HSPA4L: variants seen among roughly 807,000 people sequenced by gnomAD.
HSPA4L encodes heat shock protein family A (Hsp70) member 4 like, also known as heat shock 70 kDa protein 4L.
HSPA4L carries 48 observed loss-of-function variants against 100.3 expected under a neutral mutation model. The ratio of observed to expected loss-of-function variants is 0.48; its 90% confidence interval spans 0.38 to 0.61. The LOEUF (loss-of-function observed/expected upper bound fraction) is 0.61, where lower values mean the gene tolerates loss of function less well. HSPA4L is among the 20% of genes least tolerant of loss of function. HSPA4L has a pLI of 0.00. For synonymous variants in HSPA4L, 319 were observed against 328.2 expected (o/e 0.97, Z 0.30); for missense variants, 886 against 988.6 (o/e 0.90, Z 1.39).
chr4:127,793,243 T>TC (rs1194053170), intron 1 of HSPA4L, among the ~76,000 whole-genome samples: 2 of 152,224 alleles, frequency 1.3e-5, no homozygotes, highest in Non-Finnish European at 2.9e-5. Flanking sequence ...TTCCCTCAAG[T>TC]CCTAATTCAA....
intron 4 of HSPA4L, among the ~76,000 whole-genome samples, chr4:127,799,331 T>C (rs956359237): frequency 6.6e-6 from 1 of 152,160 alleles, no homozygotes; most frequent in African/African-American, 2.4e-5. Flanking sequence ...AGAAAAATAT[T>C]AGAGCTTAAT....
chr4:127,830,893 A>G (rs1734063788), intron 18 of HSPA4L, 94 bp downstream of exon 18: 1 of 761,866 alleles, frequency 1.3e-6, no homozygotes, highest in South Asian at 3.6e-5. Context: ...TTGCAGAAGA[A>G]CTTAGAACAG....
At chr4:127,793,322 T>C (rs1732928350) in intron 1 of HSPA4L, among the ~76,000 whole-genome samples, 1 of 152,314 alleles carries the variant, frequency 6.6e-6, no homozygotes, top group East Asian at 1.9e-4. Context: ...TTCTATATAT[T>C]CTATTGATTT....
Position 127,805,054 on chromosome 4 carries a change from A to G in HSPA4L, c.986-19A>G. 2 of 1,546,156 alleles carry G rather than the reference A, an allele frequency of 1.3e-6. No individual in the cohort carries two copies. Among genetic ancestry groups the G allele is most frequent in the Non-Finnish European group, 1.8e-6 (2 of 1,140,434 alleles). ...ATTTTTAAAGACTATCATTTTTCTC[A>G]ATTAAAAAAATTTTCCAGACTTACA... On this transcript the variant is annotated intron_variant, in intron 8 of 18. Transcript: ENST00000296464.
intron 17 of HSPA4L, among the ~76,000 whole-genome samples, chr4:127,830,253 CAAG>C (rs1734045272): frequency 6.6e-6 from 1 of 152,138 alleles, no homozygotes; most frequent in Non-Finnish European, 1.5e-5. Context: ...TTTTTCTAAT[CAAG>C]AATTTAATAT....
chr4:127,812,440 T>G (rs1215185600), intron 12 of HSPA4L, among the ~76,000 whole-genome samples: 2 of 151,882 alleles, frequency 1.3e-5, no homozygotes, highest in African/African-American at 4.8e-5. Context: ...AAACAGATTT[T>G]TTAACTTTAT....
chr4:127,838,722 CTT>C lies in HSPA4L; in HGVS notation c.*5849_*5850del, dbSNP rs1734294919. ...TCTTTCCTTTATCTTGCTTTATCCT[CTT>C]ATCCAATTCTAGACTCTTAAATAAT... On this transcript the variant is annotated 3_prime_UTR_variant, in exon 19 of 19. Coordinates refer to ENST00000296464, the MANE Select transcript of HSPA4L (RefSeq NM_014278.4). 6.6e-6 allele frequency: 1 copy of C among 152,172 alleles called. No homozygotes were observed. Among genetic ancestry groups the C allele is most frequent in the Non-Finnish European group, 1.5e-5 (1 of 68,022 alleles). The allele number at this position is 152,172 out of a possible 1,614,324, so 9.4% of individuals were successfully genotyped here.
In HSPA4L at chr4:127,784,696, C is replaced by T. The variant is rs145775944; in HGVS notation, c.107+2039C>T. On this transcript the variant is annotated intron_variant, in intron 1 of 18. Coordinates refer to ENST00000296464, the MANE Select transcript of HSPA4L (RefSeq NM_014278.4). Reference sequence around the variant, plus strand: ...ACTTCATGGTAGTGTAGTGCTCTTACACTATGTATTACTTTGTGGGTCCAA... The same window carrying T: ...ACTTCATGGTAGTGTAGTGCTCTTATACTATGTATTACTTTGTGGGTCCAA... 4.3e-3 allele frequency among the ~76,000 whole-genome samples: 658 copies of T among 152,324 alleles called. 9 individuals are homozygous for T. Among genetic ancestry groups the T allele is most frequent in the African/African-American group, 0.015 (628 of 41,566 alleles).
At position 127,836,930 on chromosome 4, in the gene HSPA4L, A is replaced by G. The variant is rs1378559835; in HGVS notation, c.*4056A>G. ...TAAAATATAACTTTCTCAGTTTTTAAAAGTTTACAAAATTTTTTTTTTTGT... is the reference window on the plus strand; with the variant it reads ...TAAAATATAACTTTCTCAGTTTTTAGAAGTTTACAAAATTTTTTTTTTTGT... On this transcript the variant is annotated 3_prime_UTR_variant, in exon 19 of 19. Transcript: ENST00000296464. 2.0e-5 allele frequency: 3 copies of G among 152,038 alleles called. No individual in the cohort carries two copies. The highest frequency in any genetic ancestry group is 7.2e-5 in the African/African-American group (3 of 41,408). 9.4% of individuals were successfully genotyped at this position (152,038 alleles called of 1,614,324 possible). A position where few individuals can be genotyped will look rare whatever the true frequency, so the allele number is the denominator to read the frequency against.
At chr4:127,801,101 T>C (rs1733162030) in intron 4 of HSPA4L, 37 bp from the exon 5 acceptor site, 1 of 1,452,256 alleles carries the variant, frequency 6.9e-7, no homozygotes, top group South Asian at 1.2e-5. Context: ...AATGTTTACA[T>C]AAAACATTAT....
chr4:127,838,917 A>T lies in HSPA4L; in HGVS notation c.*6043A>T, dbSNP rs1401381478. 2 of 151,974 alleles carry T rather than the reference A, an allele frequency of 1.3e-5. No homozygotes were observed. The highest frequency in any genetic ancestry group is 2.9e-5 in the Non-Finnish European group (2 of 67,994). The allele number at this position is 151,974 out of a possible 1,614,324, so 9.4% of individuals were successfully genotyped here. On this transcript the variant is annotated 3_prime_UTR_variant, in exon 19 of 19. Coordinates refer to ENST00000296464, the MANE Select transcript of HSPA4L (RefSeq NM_014278.4). ...TCTTCCCGTTAAGGGTTTTTTGGCT[A>T]TAAATTCGTACTTGATAAGCTATGT...
intron 11 of HSPA4L, 100 bp from the exon 12 acceptor site, chr4:127,811,337 A>G: frequency 2.4e-6 from 2 of 820,574 alleles, no homozygotes; most frequent in Admixed American, 2.2e-5. Context: ...TGCCAAGATG[A>G]TTATTTGCCA....
chr4:127,786,449 A>T (rs1732720721), intron 1 of HSPA4L, among the ~76,000 whole-genome samples: 1 of 152,174 alleles, frequency 6.6e-6, no homozygotes, highest in African/African-American at 2.4e-5. Context: ...ATCTTTTTTA[A>T]AAACATTATT....
At chr4:127,810,829 A>G (rs1733505773) in intron 11 of HSPA4L, among the ~76,000 whole-genome samples, 1 of 152,030 alleles carries the variant, frequency 6.6e-6, no homozygotes, top group Non-Finnish European at 1.5e-5. Flanking sequence ...GCAAAATTTA[A>G]CCCATAAAAA....
intron 17 of HSPA4L, among the ~76,000 whole-genome samples, chr4:127,828,329 CA>C (rs973697980): frequency 1.3e-5 from 2 of 152,058 alleles, no homozygotes; most frequent in African/African-American, 4.8e-5. Context: ...AATATTCAAG[CA>C]TGTCAAAATA....
chr4:127,787,462 A>G (rs1051717823), intron 1 of HSPA4L, among the ~76,000 whole-genome samples: 4 of 152,178 alleles, frequency 2.6e-5, no homozygotes, highest in African/African-American at 9.6e-5. Context: ...CTTCCCAACC[A>G]CATCCTAAAG....
At chr4:127,804,938 TA>T in intron 8 of HSPA4L, 134 bp from the exon 9 acceptor site, 1 of 581,712 alleles carries the variant, frequency 1.7e-6, no homozygotes, top group Non-Finnish European at 3.0e-6. Flanking sequence ...TATATCTTTC[TA>T]AAAATTGTAT....
chr4:127,808,194 C>G (rs183915961), intron 11 of HSPA4L, 65 bp downstream of exon 11: 8 of 1,321,070 alleles, frequency 6.1e-6, no homozygotes, highest in Admixed American at 4.7e-5. Flanking sequence ...ATTTTAGAAT[C>G]AAGGAAACAA....
Position 127,820,454 on chromosome 4 carries a change from ATT to A in HSPA4L, c.1702_1703del (p.Leu568LysfsTer5). On this transcript the variant is annotated frameshift_variant, in exon 14 of 19. Coordinates refer to ENST00000296464, the MANE Select transcript of HSPA4L (RefSeq NM_014278.4). LOFTEE classifies it high-confidence loss of function. ...CAGCTGTCTCAGACAAACAAGACCGATTAAATCAGACACTTAAAAAAGGAAAA... is the reference window on the plus strand; with the variant it reads ...CAGCTGTCTCAGACAAACAAGACCGAAAATCAGACACTTAAAAAAGGAAAA... ...KSAVSDKQDR[L>X]NQTLKKGKVK... 1.2e-6 allele frequency: 2 copies of A among 1,603,614 alleles called. No homozygotes were observed. The highest frequency in any genetic ancestry group is 1.7e-6 in the Non-Finnish European group (2 of 1,176,186).
Sources: gnomAD v4.1 joint callset for allele counts (sites outside exome capture counted in the v4.1 genomes callset) on GRCh38, gnomAD v4.1.1 for gene constraint, MANE v1.5 for transcripts, NCBI Gene and HGNC (gene_info 2026-07-23, HGNC 2026-07-21) for gene names.